The following SNX9 variants were observed in gnomAD, a reference collection of about 807,000 sequenced individuals.
SNX9 encodes the protein sorting nexin 9, also known as sorting nexin-9.
Under a neutral mutation model 89.4 loss-of-function variants are expected in SNX9, and 44 were observed. The ratio of observed to expected loss-of-function variants is 0.49; its 90% confidence interval spans 0.39 to 0.63. The LOEUF is 0.63. SNX9 is among the 30% of genes least tolerant of loss of function. The probability of loss-of-function intolerance (pLI) is 0.00; values close to 1 mark genes in which losing one functional copy is unlikely to be tolerated. For missense variants in SNX9, 578 were observed against 736.1 expected (o/e 0.79, Z 2.49); for synonymous variants, 236 against 247.8 (o/e 0.95, Z 0.45).
chr6:157,901,813 G>T (rs1783102676), intron 5 of SNX9, 85 bp from the exon 6 acceptor site: 1 of 1,507,066 alleles, frequency 6.6e-7, no homozygotes, highest in South Asian at 1.3e-5. Flanking sequence ...CCAGTAGGTA[G>T]TTACTGTCAG....
At position 157,883,247 on chromosome 6, in the gene SNX9, G is replaced by A. The variant is rs375462120; in HGVS notation, c.300+8071G>A. On this transcript the variant is annotated intron_variant, in intron 4 of 17. Coordinates refer to ENST00000392185, the MANE Select transcript of SNX9 (RefSeq NM_016224.5). ...TGTATTTTTTATACATAATGCTCTCGCACACTTATACGGTATAGTGTAACC... is the reference window on the plus strand; with the variant it reads ...TGTATTTTTTATACATAATGCTCTCACACACTTATACGGTATAGTGTAACC... Among the ~76,000 whole-genome samples the A allele has an allele frequency of 2.4e-4, 37 of 152,176 alleles. 1 individual carries two copies. The South Asian group carries it at 5.6e-3, about 23-fold the overall frequency.
chr6:157,875,119 TTC>T lies in SNX9; in HGVS notation c.250_251del (p.Ala85GlnfsTer21). On this transcript the variant is annotated frameshift_variant, in exon 4 of 18. Transcript: ENST00000392185. LOFTEE classifies it high-confidence loss of function. Reference sequence around the variant, plus strand: ...CAGTGGCTGACCAAGCCTTCCTTGATTCTCTCTCAGCCAGCACAGCTCAGGCC... The same window carrying T: ...CAGTGGCTGACCAAGCCTTCCTTGATTCTCTCAGCCAGCACAGCTCAGGCC... ...NSVADQAFLD[S>X]LSASTAQASS... The T allele has an allele frequency of 1.2e-6, 2 of 1,614,112 alleles. No individual in the cohort carries two copies. Among genetic ancestry groups the T allele is most frequent in the Non-Finnish European group, 1.7e-6 (2 of 1,179,994 alleles).
chr6:157,896,472 A>C (rs1433060768), intron 4 of SNX9, among the ~76,000 whole-genome samples: 1 of 152,236 alleles, frequency 6.6e-6, no homozygotes, highest in Non-Finnish European at 1.5e-5. Flanking sequence ...GTGCAGCTGA[A>C]GTATGAAAAC....
At chr6:157,844,600 G>GTTTTTTTTTTTTTTTTTTTTT (rs34836632) in intron 1 of SNX9, among the ~76,000 whole-genome samples, 4 of 131,806 alleles carry the variant, frequency 3.0e-5, no homozygotes, top group East Asian at 2.3e-4. Flanking sequence ...TTTTTTTTTT[G>GTTTTTTTTTTTTTTTTTTTTT]TTTTTTTTTT....
intron 5 of SNX9, among the ~76,000 whole-genome samples, chr6:157,899,892 A>AGCGTGT (rs1554295610): frequency 2.0e-5 from 3 of 151,808 alleles, no homozygotes; most frequent in African/African-American, 7.3e-5. Context: ...TGATTACCTA[A>AGCGTGT]GTGTGTGTGT....
intron 7 of SNX9, among the ~76,000 whole-genome samples, chr6:157,909,394 C>G (rs1783287128): frequency 6.6e-6 from 1 of 152,206 alleles, no homozygotes; most frequent in South Asian, 2.1e-4. Context: ...TTGTAACCAG[C>G]ACTGTCCTTG....
At chr6:157,836,243 A>AT (rs1781580921) in intron 1 of SNX9, among the ~76,000 whole-genome samples, 1 of 151,858 alleles carries the variant, frequency 6.6e-6, no homozygotes, top group South Asian at 2.1e-4. Context: ...ACCCTTTTTG[A>AT]TAAGTGGAAA....
chr6:157,934,553 G>T (rs1783883371), intron 13 of SNX9, among the ~76,000 whole-genome samples: 1 of 152,102 alleles, frequency 6.6e-6, no homozygotes, highest in South Asian at 2.1e-4. Flanking sequence ...GGTGCCTCAA[G>T]GTCAGAAAGA....
At chr6:157,857,937 A>G (rs1045552006) in intron 1 of SNX9, among the ~76,000 whole-genome samples, 4 of 152,336 alleles carry the variant, frequency 2.6e-5, no homozygotes, top group Non-Finnish European at 5.9e-5. Flanking sequence ...CTGTGGACTG[A>G]CAATGCGTGG....
At position 157,884,253 on chromosome 6, in the gene SNX9, C is replaced by T. The variant is rs113387761; in HGVS notation, c.300+9077C>T. 2.5e-3 allele frequency among the ~76,000 whole-genome samples: 381 copies of T among 152,248 alleles called. 2 individuals are homozygous for T. Among genetic ancestry groups the T allele is most frequent in the African/African-American group, 8.8e-3 (365 of 41,540 alleles). ...AGTTAAGTGGTATTTAAGGATATAA[C>T]ATTTTTCTCTACAGAGATTTTCCAT... is the stretch of plus-strand genomic sequence containing the variant. On this transcript the variant is annotated intron_variant, in intron 4 of 17. Coordinates refer to ENST00000392185, the MANE Select transcript of SNX9 (RefSeq NM_016224.5).
chr6:157,902,094 A>T (rs1783112098), intron 6 of SNX9, 49 bp downstream of exon 6: 6 of 1,580,740 alleles, frequency 3.8e-6, no homozygotes, highest in Non-Finnish European at 5.2e-6. Flanking sequence ...AGAAGTATAC[A>T]TTAATACAAA....
chr6:157,837,077 A>G (rs533113486), intron 1 of SNX9, among the ~76,000 whole-genome samples: 9 of 152,222 alleles, frequency 5.9e-5, no homozygotes, highest in Non-Finnish European at 1.2e-4. Context: ...TGTGCAGTGA[A>G]CACTTGTGTC....
intron 1 of SNX9, among the ~76,000 whole-genome samples, chr6:157,859,852 A>T (rs1005381119): frequency 2.6e-5 from 4 of 152,188 alleles, no homozygotes; most frequent in African/African-American, 9.7e-5. Context: ...TGAATTGAAA[A>T]TACTCTTTCC....
Position 157,872,145 on chromosome 6 carries a change from G to C in SNX9, c.100-957G>C, listed in dbSNP as rs183941427. ...ACTCTTACTATGTTAAGATGAGAAA[G>C]TGGGACCTGCCCCTTAACATTGTTA... On this transcript the variant is annotated intron_variant, in intron 2 of 17. Transcript: ENST00000392185. 6.7e-4 allele frequency among the ~76,000 whole-genome samples: 102 copies of C among 152,122 alleles called. 1 individual carries two copies. Among genetic ancestry groups the C allele is most frequent in the African/African-American group, 2.2e-3 (91 of 41,500 alleles).
intron 17 of SNX9, among the ~76,000 whole-genome samples, chr6:157,942,450 G>T (rs7763211): frequency 6.6e-6 from 1 of 152,190 alleles, no homozygotes; most frequent in Non-Finnish European, 1.5e-5. Flanking sequence ...TACTCCTCCA[G>T]GAAAGAGGGG....
intron 1 of SNX9, among the ~76,000 whole-genome samples, 175 bp from the exon 2 acceptor site, chr6:157,867,369 ATTC>A (rs1207707424): frequency 6.6e-6 from 1 of 152,180 alleles, no homozygotes; most frequent in East Asian, 1.9e-4. Context: ...CGTTGGTGTT[ATTC>A]TTCCTCAGAG....
chr6:157,926,266 A>G (rs1391940976), intron 10 of SNX9, among the ~76,000 whole-genome samples: 1 of 152,140 alleles, frequency 6.6e-6, no homozygotes, highest in African/African-American at 2.4e-5. Flanking sequence ...GGCTTTTGGA[A>G]TGGGAGCTCT....
At chr6:157,862,799 T>C (rs994038762) in intron 1 of SNX9, among the ~76,000 whole-genome samples, 5 of 152,348 alleles carry the variant, frequency 3.3e-5, no homozygotes, top group African/African-American at 1.2e-4. Context: ...TTAGTTCTTA[T>C]GGCCAGTGTT....
At chr6:157,845,065 T>C (rs144963813) in intron 1 of SNX9, among the ~76,000 whole-genome samples, 1 of 151,908 alleles carries the variant, frequency 6.6e-6, no homozygotes, top group Admixed American at 6.5e-5. Flanking sequence ...ATTTCAGGAT[T>C]ACAGGCTTCA....
Sources: gnomAD v4.1 joint callset for allele counts (sites outside exome capture counted in the v4.1 genomes callset) on GRCh38, gnomAD v4.1.1 for gene constraint, MANE v1.5 for transcripts, NCBI Gene and HGNC (gene_info 2026-07-23, HGNC 2026-07-21) for gene names.